The following BRINP2 variants were observed in gnomAD, a reference collection of about 807,000 sequenced individuals.
BRINP2 encodes BMP/retinoic acid inducible neural specific 2.
BRINP2 carries 21 observed loss-of-function variants against 69.2 expected under a neutral mutation model. That is an observed-to-expected ratio of 0.30 (90% CI 0.22 to 0.44). The LOEUF (loss-of-function observed/expected upper bound fraction) is 0.44, where lower values mean the gene tolerates loss of function less well. Ranked by LOEUF, BRINP2 falls within the 20% of genes least tolerant of loss-of-function variation. BRINP2 has a pLI of 1.00. For synonymous variants in BRINP2, 380 were observed against 394.1 expected, an observed-to-expected ratio of 0.96 and a Z score of 0.42; for missense variants, 877 against 986.0, an observed-to-expected ratio of 0.89 and a Z score of 1.48.
chr1:177,216,779 GTT>G (rs35697447), intron 1 of BRINP2, among the ~76,000 whole-genome samples: 7 of 126,570 alleles, frequency 5.5e-5, no homozygotes, highest in Non-Finnish European at 6.7e-5. Context: ...TTGGTTGGTA[GTT>G]TTTTTTTTTT....
chr1:177,256,657 C>T lies in BRINP2; in HGVS notation c.461-519C>T, dbSNP rs111480785. ...AAAATCTCTGAAGATGCAGAGCTCC[C>T]TCTGCCCTGGGAAGAAGGAAGCAGG... On this transcript the variant is annotated intron_variant, in intron 3 of 7. Coordinates refer to ENST00000361539, the MANE Select transcript of BRINP2 (RefSeq NM_021165.4). The T allele has an allele frequency of 2.1e-5, 22 of 1,035,678 alleles. No homozygotes were observed. The African/African-American group carries it at 3.0e-4, about 14-fold the overall frequency. 64.2% of individuals were successfully genotyped at this position (1,035,678 alleles called of 1,614,324 possible).
intron 7 of BRINP2, among the ~76,000 whole-genome samples, 167 bp downstream of exon 7, chr1:177,278,952 C>T (rs776642321): frequency 6.6e-6 from 1 of 152,056 alleles, no homozygotes; most frequent in Non-Finnish European, 1.5e-5. Context: ...CTGTGAGTTG[C>T]GTCTGAAGTG....
At chr1:177,175,028 A>T (rs1648046263) in intron 1 of BRINP2, among the ~76,000 whole-genome samples, 1 of 152,234 alleles carries the variant, frequency 6.6e-6, no homozygotes, top group Non-Finnish European at 1.5e-5. Context: ...ACAACTTCTC[A>T]TATTTTACAA....
chr1:177,180,311 G>A (rs1256577155), intron 1 of BRINP2, among the ~76,000 whole-genome samples: 1 of 152,130 alleles, frequency 6.6e-6, no homozygotes, highest in Non-Finnish European at 1.5e-5. Flanking sequence ...TCAATGGGGT[G>A]GGTGACTTTT....
At chr1:177,239,992 T>C (rs2102332608) in intron 2 of BRINP2, among the ~76,000 whole-genome samples, 1 of 152,322 alleles carries the variant, frequency 6.6e-6, no homozygotes, top group South Asian at 2.1e-4. Flanking sequence ...GCTCTGGATG[T>C]GACAGTGAAT....
rs2102367502 is a variant in BRINP2, at chr1:177,281,528, A to G, written c.2352A>G (p.Ter784=). ...ATGAGACCGGCAAACTCTGTAGCTA[A>G]TGGGCGGCCCACTTCAGCACTGGGC... is the stretch of plus-strand genomic sequence containing the variant. ...VEYETGKLCS[*] The change falls in exon 8 of 8, where the codon TAA becomes TAG. Residue 784 remains the stop codon, a stop_retained_variant. Coordinates refer to ENST00000361539, the MANE Select transcript of BRINP2 (RefSeq NM_021165.4). 1 of 1,596,752 alleles carries G rather than the reference A, an allele frequency of 6.3e-7. No homozygotes were observed. Among genetic ancestry groups the G allele is most frequent in the East Asian group, 2.2e-5 (1 of 44,816 alleles).
At chr1:177,244,420 C>T (rs1413695284) in intron 2 of BRINP2, among the ~76,000 whole-genome samples, 1 of 152,182 alleles carries the variant, frequency 6.6e-6, no homozygotes, top group Non-Finnish European at 1.5e-5. Context: ...TGTCATTTAA[C>T]TATTGCTACA....
At chr1:177,238,008 G>T (rs2102331287) in intron 2 of BRINP2, among the ~76,000 whole-genome samples, 1 of 152,244 alleles carries the variant, frequency 6.6e-6, no homozygotes, top group Non-Finnish European at 1.5e-5. Context: ...AAGCATTTCA[G>T]TATATGGAGC....
rs561248548 is a variant in BRINP2 at position 177,281,710 on chromosome 1, G to A, written c.*182G>A. On this transcript the variant is annotated 3_prime_UTR_variant, in exon 8 of 8. Coordinates refer to ENST00000361539, the MANE Select transcript of BRINP2 (RefSeq NM_021165.4). ...AGAGAAACAGCTACTGCGTGCGTGC[G>A]CGCACGCATACACACACACACACAC... 1.7e-4 allele frequency: 117 copies of A among 675,646 alleles called. No homozygotes were observed. The highest frequency in any genetic ancestry group is 4.7e-4 in the Admixed American group (15 of 32,242). 41.9% of individuals were successfully genotyped at this position (675,646 alleles called of 1,614,324 possible).
Position 177,256,059 on chromosome 1 carries a change from A to C in BRINP2, c.410A>C (p.Asn137Thr). The change falls in exon 3 of 8, where the codon AAT (asparagine) becomes ACT (threonine). Residue 137 changes from asparagine (N) to threonine (T), a missense_variant. Physicochemically the swap from Asn to Thr is moderately conservative, Grantham distance 65. This residue lies in a region of BRINP2 where 566 missense variants were observed against 625.2 expected (regional missense o/e 0.91). Coordinates refer to ENST00000361539, the MANE Select transcript of BRINP2 (RefSeq NM_021165.4). ...RRPNLQQVTE[N>T]LIKKYGTHFL... ...CCCAATCTGCAACAGGTTACAGAAA[A>C]TCTGATTAAAAAGTACGGCACTCAT... The C allele has an allele frequency of 6.2e-7, 1 of 1,614,180 alleles. No homozygotes were observed. The highest frequency in any genetic ancestry group is 8.5e-7 in the Non-Finnish European group (1 of 1,180,034).
intron 7 of BRINP2, among the ~76,000 whole-genome samples, chr1:177,279,639 A>G (rs1034760553): frequency 6.6e-6 from 1 of 152,224 alleles, no homozygotes; most frequent in African/African-American, 2.4e-5. Flanking sequence ...TGGTTTTGAG[A>G]GGAGTTCATT....
chr1:177,230,045 T>G lies in BRINP2; in HGVS notation c.169T>G (p.Trp57Gly). 1 of 1,613,830 alleles carries G rather than the reference T, an allele frequency of 6.2e-7. No homozygotes were observed. The highest frequency in any genetic ancestry group is 8.5e-7 in the Non-Finnish European group (1 of 1,180,012). ...CGTAGCTGGCCAGCATCCCCTGGAC[T>G]GGCTGCTCACAGACCGGGGCCCCTT... ...ASVAGQHPLD[W>G]LLTDRGPFHR... The change falls in exon 2 of 8, where the codon TGG (tryptophan) becomes GGG (glycine). Residue 57 changes from tryptophan to glycine, a missense_variant. Around this residue, in one of 3 missense-constraint regions of BRINP2, gnomAD observed 566 missense variants for 625.2 expected, o/e 0.91. Transcript: ENST00000361539.
chr1:177,260,120 A>C (rs1650898915), intron 4 of BRINP2, among the ~76,000 whole-genome samples: 1 of 152,228 alleles, frequency 6.6e-6, no homozygotes, highest in African/African-American at 2.4e-5. Context: ...GGATGTCAAA[A>C]TATCATTAAC....
intron 1 of BRINP2, among the ~76,000 whole-genome samples, chr1:177,197,543 G>A (rs1276589126): frequency 1.3e-5 from 2 of 152,172 alleles, no homozygotes; most frequent in African/African-American, 2.4e-5. Flanking sequence ...GTGAGATGGT[G>A]GCTGTCTGCA....
chr1:177,249,132 C>T (rs534177782), intron 2 of BRINP2, among the ~76,000 whole-genome samples: 2 of 152,334 alleles, frequency 1.3e-5, no homozygotes, highest in East Asian at 3.9e-4. Flanking sequence ...CTAAAATATT[C>T]TGAGTGTCGG....
intron 4 of BRINP2, among the ~76,000 whole-genome samples, chr1:177,265,015 G>A (rs1160148415): frequency 6.6e-6 from 1 of 152,134 alleles, no homozygotes; most frequent in African/African-American, 2.4e-5. Context: ...TAAGTAAAAA[G>A]CACAAAGCTG....
intron 1 of BRINP2, among the ~76,000 whole-genome samples, chr1:177,189,279 A>G (rs1183517801): frequency 6.6e-6 from 1 of 152,174 alleles, no homozygotes; most frequent in East Asian, 1.9e-4. Flanking sequence ...GATGCAGTCT[A>G]TAAGATTTTC....
chr1:177,224,814 G>C (rs932310), intron 1 of BRINP2, among the ~76,000 whole-genome samples: 31,816 of 151,970 alleles, frequency 0.21, 4,282 homozygotes, highest in East Asian at 0.35. Flanking sequence ...ACTTATATTG[G>C]TATTTATTAA....
rs558848763 is a variant in BRINP2, at chr1:177,256,914, T to A, written c.461-262T>A. On this transcript the variant is annotated intron_variant, in intron 3 of 7. Coordinates refer to ENST00000361539, the MANE Select transcript of BRINP2 (RefSeq NM_021165.4). ...TGAAGATGGATTGCTTGAGACAGAG[T>A]TCAATAGAAGATGTTAAACAGATAA... is the stretch of plus-strand genomic sequence containing the variant. The A allele has an allele frequency of 1.1e-4, 142 of 1,295,988 alleles. No individual in the cohort carries two copies. The Middle Eastern group carries it at 1.6e-3, about 15-fold the overall frequency. 80.3% of individuals were successfully genotyped at this position (1,295,988 alleles called of 1,614,324 possible). A position where few individuals can be genotyped will look rare whatever the true frequency, so the allele number is the denominator to read the frequency against.
Sources: allele counts gnomAD v4.1 joint callset (sites outside exome capture counted in the v4.1 genomes callset), GRCh38; gene constraint gnomAD v4.1.1; regional missense constraint gnomAD v4.1.1; transcripts MANE v1.5; gene names NCBI Gene and HGNC (gene_info 2026-07-23, HGNC 2026-07-21).